The following NRXN3 variants were observed in gnomAD, a reference collection of about 807,000 sequenced individuals.
NRXN3 encodes neurexin III.
NRXN3 carries 32 observed loss-of-function variants against 137.6 expected under a neutral mutation model. That is an observed-to-expected ratio of 0.23 (90% CI 0.18 to 0.31). The LOEUF is 0.31. NRXN3 is among the 10% of genes least tolerant of loss of function. The pLI is 1.00. For missense variants in NRXN3, 1,574 were observed against 2,062.5 expected (o/e 0.76, Z 4.59); for synonymous variants, 798 against 784.5 (o/e 1.02, Z -0.29).
At chr14:78,515,926 G>A (rs766573242) in intron 4 of NRXN3, among the ~76,000 whole-genome samples, 30 of 152,106 alleles carry the variant, frequency 2.0e-4, no homozygotes, top group African/African-American at 6.5e-4. Context: ...AATTGGATGA[G>A]CGCCTTAAGC....
chr14:78,430,472 T>G lies in NRXN3; in HGVS notation c.757+132612T>G, dbSNP rs145697586. Among the ~76,000 whole-genome samples, 544 of 152,288 alleles carry G rather than the reference T, an allele frequency of 3.6e-3. 2 individuals are homozygous for G. The highest frequency in any genetic ancestry group is 5.8e-3 in the South Asian group (28 of 4,830). Reference sequence around the variant, plus strand: ...TGAGACTCAAAGAGGCTAAGTGACTTTCATAAAAGCAGACTTGCAGGGACA... The same window carrying G: ...TGAGACTCAAAGAGGCTAAGTGACTGTCATAAAAGCAGACTTGCAGGGACA... On this transcript the variant is annotated intron_variant, in intron 4 of 20. Coordinates refer to ENST00000335750, the MANE Select transcript of NRXN3 (RefSeq NM_001330195.2).
At chr14:79,430,569 T>C (rs2095735347) in intron 15 of NRXN3, among the ~76,000 whole-genome samples, 1 of 152,214 alleles carries the variant, frequency 6.6e-6, no homozygotes, top group Non-Finnish European at 1.5e-5. Flanking sequence ...AATTTTCTTC[T>C]CTTTCTTCAC....
intron 4 of NRXN3, among the ~76,000 whole-genome samples, chr14:78,624,590 G>A (rs540172468): frequency 1.0e-3 from 156 of 152,314 alleles, no homozygotes; most frequent in African/African-American, 3.5e-3. Flanking sequence ...GGCTCACACA[G>A]CCTTTCCAGA....
intron 20 of NRXN3, among the ~76,000 whole-genome samples, chr14:79,816,882 G>T (rs780724194): frequency 2.6e-5 from 4 of 152,126 alleles, no homozygotes; most frequent in African/African-American, 9.7e-5. Context: ...TTAAAAAGAT[G>T]ATTTTATTGT....
intron 8 of NRXN3, among the ~76,000 whole-genome samples, chr14:78,787,911 C>T (rs1045410824): frequency 3.9e-5 from 6 of 152,120 alleles, no homozygotes; most frequent in Admixed American, 6.6e-5. Flanking sequence ...GAAAGCAGAA[C>T]GTCGCCCTTA....
At chr14:79,697,128 T>C (rs2098738526) in intron 18 of NRXN3, among the ~76,000 whole-genome samples, 1 of 152,064 alleles carries the variant, frequency 6.6e-6, no homozygotes, top group African/African-American at 2.4e-5. Context: ...GTCTCTTAAC[T>C]GAAATTTAAT....
intron 15 of NRXN3, among the ~76,000 whole-genome samples, chr14:79,066,229 A>G (rs1273535067): frequency 1.3e-5 from 2 of 152,044 alleles, no homozygotes; most frequent in African/African-American, 4.8e-5. Flanking sequence ...CTCCCAGCAC[A>G]ATTTATTAAT....
At chr14:78,736,293 AG>A (rs1199422331) in intron 8 of NRXN3, among the ~76,000 whole-genome samples, 1 of 152,226 alleles carries the variant, frequency 6.6e-6, no homozygotes, top group Non-Finnish European at 1.5e-5. Context: ...TGTGATGGAT[AG>A]ACTGTAGGTT....
At position 78,296,271 on chromosome 14, in the gene NRXN3, G is replaced by T. The variant is rs138568692; in HGVS notation, c.728-1560G>T. Among the ~76,000 whole-genome samples the T allele has an allele frequency of 1.4e-3, 206 of 152,010 alleles. 1 individual carries two copies. Among genetic ancestry groups the T allele is most frequent in the Non-Finnish European group, 2.2e-3 (148 of 67,960 alleles). On this transcript the variant is annotated intron_variant, in intron 3 of 20. Transcript: ENST00000335750. ...TGTAGAGACAGGGTTTCACTATGTT[G>T]CCCAGGCTGGTTTCGAACTCCTGGA...
intron 16 of NRXN3, among the ~76,000 whole-genome samples, chr14:79,578,844 C>A (rs2097689252): frequency 6.6e-6 from 1 of 152,118 alleles, no homozygotes; most frequent in Admixed American, 6.6e-5. Context: ...ACAATCCCCT[C>A]AAGTCAATTT....
chr14:78,178,287 T>TCACA (rs2059459203), intron 1 of NRXN3, among the ~76,000 whole-genome samples: 1 of 152,240 alleles, frequency 6.6e-6, no homozygotes, highest in South Asian at 2.1e-4. Context: ...GTCAGCTGAC[T>TCACA]CACAGCTCTG....
At chr14:78,807,204 G>A (rs1055427868) in intron 9 of NRXN3, among the ~76,000 whole-genome samples, 13 of 152,306 alleles carry the variant, frequency 8.5e-5, no homozygotes, top group African/African-American at 2.9e-4. Flanking sequence ...GGAAAAGACA[G>A]TTGATATGGA....
chr14:79,220,544 C>T (rs530771129), intron 15 of NRXN3, among the ~76,000 whole-genome samples: 72 of 152,216 alleles, frequency 4.7e-4, no homozygotes, highest in Admixed American at 1.8e-3. Context: ...TAATATCCTA[C>T]AGAATAGTTT....
chr14:78,854,499 T>A (rs1295996455), intron 10 of NRXN3, among the ~76,000 whole-genome samples: 2 of 152,144 alleles, frequency 1.3e-5, no homozygotes, highest in Non-Finnish European at 2.9e-5. Flanking sequence ...TTTGGTCCAA[T>A]AGTTATGTTT....
At chr14:78,222,832 C>T (rs2064013024) in intron 1 of NRXN3, among the ~76,000 whole-genome samples, 1 of 152,180 alleles carries the variant, frequency 6.6e-6, no homozygotes, top group Admixed American at 6.5e-5. Context: ...CTCTAAGCTC[C>T]TTGTAGTCAA....
chr14:79,603,267 A>C (rs2153836425), intron 16 of NRXN3, among the ~76,000 whole-genome samples: 1 of 152,366 alleles, frequency 6.6e-6, no homozygotes, highest in South Asian at 2.1e-4. Flanking sequence ...GGACAAAGCA[A>C]GTACGTGCCC....
intron 15 of NRXN3, among the ~76,000 whole-genome samples, chr14:79,025,253 C>A (rs999467466): frequency 6.6e-6 from 1 of 152,106 alleles, no homozygotes; most frequent in African/African-American, 2.4e-5. Flanking sequence ...CAAATACCTT[C>A]CAGTATCAGC....
intron 4 of NRXN3, among the ~76,000 whole-genome samples, chr14:78,634,425 A>G (rs973711553): frequency 6.6e-6 from 1 of 152,238 alleles, no homozygotes; most frequent in Non-Finnish European, 1.5e-5. Flanking sequence ...ATTGCTGCTC[A>G]CAGCGTATGG....
chr14:79,828,708 G>A (rs1392889791), intron 20 of NRXN3, among the ~76,000 whole-genome samples: 1 of 140,876 alleles, frequency 7.1e-6, no homozygotes, highest in African/African-American at 2.7e-5. Flanking sequence ...GAATAGATTT[G>A]ACTGGAATAG....
Sources: allele counts gnomAD v4.1 joint callset (sites outside exome capture counted in the v4.1 genomes callset), GRCh38; gene constraint gnomAD v4.1.1; transcripts MANE v1.5; gene names NCBI Gene and HGNC (gene_info 2026-07-23, HGNC 2026-07-21).